CCDC88A: variants seen among roughly 807,000 people sequenced by gnomAD.
CCDC88A encodes the protein coiled-coil and HOOK domain protein 88A, also known as girdin.
In CCDC88A, 54 loss-of-function variants were observed where a neutral mutation model predicts 234.3. The ratio of observed to expected loss-of-function variants is 0.23; its 90% CI spans 0.19 to 0.29. CCDC88A has a LOEUF of 0.29. CCDC88A is among the 10% of genes least tolerant of loss of function. The pLI is 1.00. For synonymous variants in CCDC88A, 753 were observed against 737.8 expected (o/e 1.02, Z -0.33); for missense variants, 1,832 against 2,123.4 (o/e 0.86, Z 2.70).
At position 55,398,772 on chromosome 2, in the gene CCDC88A, G is replaced by A. The variant is rs144476572; in HGVS notation, c.165-9886C>T. 3.1e-3 allele frequency among the ~76,000 whole-genome samples: 467 copies of A among 152,106 alleles called. 4 individuals carry two copies. The highest frequency in any genetic ancestry group is 0.01 in the African/African-American group (430 of 41,506). ...CACAAAAAAATTTAAAAATGAGGCA[G>A]GAAGATTGCTTGAGCCCAGGAGTTT... On this transcript the variant is annotated intron_variant, in intron 2 of 32. Transcript: ENST00000436346.
intron 7 of CCDC88A, among the ~76,000 whole-genome samples, chr2:55,359,093 C>T (rs975937446): frequency 2.6e-5 from 4 of 152,150 alleles, no homozygotes; most frequent in African/African-American, 9.6e-5. Context: ...TATGCTAGCT[C>T]ATATTTTGTA....
chr2:55,362,115 C>G (rs1439474997), intron 7 of CCDC88A, 193 bp downstream of exon 7: 4 of 426,586 alleles, frequency 9.4e-6, no homozygotes. Context: ...GAAGAGAAAA[C>G]CTAACTGCAA....
chr2:55,312,338 C>A, intron 23 of CCDC88A, 96 bp downstream of exon 23: 1 of 1,079,288 alleles, frequency 9.3e-7, no homozygotes, highest in Admixed American at 2.1e-5. Context: ...TGTTGAAAAT[C>A]AGTAAAAATT....
intron 2 of CCDC88A, among the ~76,000 whole-genome samples, chr2:55,412,425 A>T (rs1456129064): frequency 6.6e-6 from 1 of 152,244 alleles, no homozygotes; most frequent in East Asian, 1.9e-4. Flanking sequence ...GGAAAGCCAC[A>T]CAGCAGATCA....
chr2:55,397,532 A>T (rs6146773), intron 2 of CCDC88A, among the ~76,000 whole-genome samples: 119,744 of 150,060 alleles, frequency 0.8, 48,403 homozygotes, highest in Admixed American at 0.89. Flanking sequence ...TAATTTGGAT[A>T]ATCCAAATGC....
rs7604746 is a variant in CCDC88A, at chr2:55,366,536, C to T, written c.403-2503G>A. Among the ~76,000 whole-genome samples, 6 of 44,796 alleles carry T rather than the reference C, an allele frequency of 1.3e-4. 1 individual carries two copies. The highest frequency in any genetic ancestry group is 4.2e-4 in the African/African-American group (3 of 7,214). The allele number at this position is 44,796 out of a possible 152,430, so 29.4% of individuals were successfully genotyped here. ...AGCAAGACTCTGTCACACACACATA[C>T]ACACACACACACACACACACACACA... On this transcript the variant is annotated intron_variant, in intron 5 of 32. Transcript: ENST00000436346.
chr2:55,348,147 T>C lies in CCDC88A; in HGVS notation c.882+1371A>G, dbSNP rs151191758. Among the ~76,000 whole-genome samples the C allele has an allele frequency of 5.6e-3, 854 of 152,174 alleles. 3 individuals are homozygous for C. The highest frequency in any genetic ancestry group is 0.024 in the Middle Eastern group (7 of 294). ...TGCAGCTAATTTTTTCATTTTTTTGTAGCGATGAGGTTTTGTCACGTTGCC... is the reference window on the plus strand; with the variant it reads ...TGCAGCTAATTTTTTCATTTTTTTGCAGCGATGAGGTTTTGTCACGTTGCC... On this transcript the variant is annotated intron_variant, in intron 9 of 32. Transcript: ENST00000436346.
chr2:55,299,892 C>T lies in CCDC88A; in HGVS notation c.4772G>A (p.Gly1591Asp), dbSNP rs202144320. 1 of 1,613,498 alleles carries T rather than the reference C, an allele frequency of 6.2e-7. No individual in the cohort carries two copies. Among genetic ancestry groups the T allele is most frequent in the Admixed American group, 1.7e-5 (1 of 59,984 alleles). The change falls in exon 29 of 33, where the codon GGC becomes GAC. Residue 1591 changes from glycine (G) to aspartate (D), a missense_variant. By Grantham distance (94) the Gly-to-Asp change is moderately conservative. Transcript: ENST00000436346. Reference protein sequence around the residue: ...HASRPASLDSGRTSTSNSNNN... With the variant: ...HASRPASLDSDRTSTSNSNNN... ...ATTGCTATTGCTAGTGGATGTTCTG[C>T]CACTATCAAGGCTGGCTGGTCTTGA...
intron 3 of CCDC88A, among the ~76,000 whole-genome samples, chr2:55,383,099 T>G (rs1168763583): frequency 6.6e-6 from 1 of 150,708 alleles, no homozygotes; most frequent in African/African-American, 2.4e-5. Context: ...AAAAGAGTAC[T>G]GACATTTAAA....
chr2:55,303,926 CTT>C (rs1470534441), intron 25 of CCDC88A, among the ~76,000 whole-genome samples: 3 of 152,090 alleles, frequency 2.0e-5, no homozygotes. Flanking sequence ...ACAAAAATAA[CTT>C]AGGAAAATGC....
At chr2:55,312,805 G>A in intron 22 of CCDC88A, 1 of 308,806 alleles carries the variant, frequency 3.2e-6, no homozygotes, top group Non-Finnish European at 5.8e-6. Context: ...CAAACACTGG[G>A]TCTAATATAT....
rs1386632167 is a variant in CCDC88A at position 55,328,259 on chromosome 2, T to C, written c.2997+35A>G. The C allele has an allele frequency of 8.3e-6, 12 of 1,449,138 alleles. No homozygotes were observed. Among genetic ancestry groups the C allele is most frequent in the Non-Finnish European group, 1.0e-5 (11 of 1,068,772 alleles). 89.8% of individuals were successfully genotyped at this position (1,449,138 alleles called of 1,614,324 possible). On this transcript the variant is annotated intron_variant, in intron 17 of 32. Transcript: ENST00000436346. This position sits in a 1 kb window ranked among gnomAD's most constrained non-coding sequence, Gnocchi z 4.3. ...TCTGTCCAAATATTTATATAATAAA[T>C]GATCCTTAAAATTCTTTCCAAGAAA...
In CCDC88A at chr2:55,334,411, T is replaced by G; in HGVS notation, c.2410A>C (p.Lys804Gln). The G allele has an allele frequency of 6.3e-7, 1 of 1,581,862 alleles. No individual in the cohort carries two copies. The highest frequency in any genetic ancestry group is 8.5e-7 in the Non-Finnish European group (1 of 1,171,752). Residue 804 changes from lysine (K) to glutamine (Q), a missense_variant, in exon 15 of 33, where the codon AAA becomes CAA. Physicochemically the swap from Lys to Gln is moderately conservative, Grantham distance 53 (BLOSUM62 1). Transcript: ENST00000436346. This position sits in a 1 kb window ranked among gnomAD's most constrained non-coding sequence, Gnocchi z 6.1. ...QTLQKNLEEL[K>Q]ISSKRLEQLE... ...TGTTCTAGTCTTTTGCTAGATATTT[T>G]TAGTTCTTCTAGGTTTTTCTGCAAT... is the stretch of plus-strand genomic sequence containing the variant.
At chr2:55,345,959 C>T (rs1390544684) in intron 10 of CCDC88A, 2 of 378,322 alleles carry the variant, frequency 5.3e-6, no homozygotes, top group Non-Finnish European at 9.3e-6. Context: ...AAAAGAAGAA[C>T]CCCAGAGTTC....
chr2:55,407,560 G>T (rs902901554), intron 2 of CCDC88A, among the ~76,000 whole-genome samples: 2 of 150,418 alleles, frequency 1.3e-5, no homozygotes, highest in South Asian at 4.2e-4. Context: ...AGCCAAGATC[G>T]CATCACTGCA....
chr2:55,398,692 T>A (rs538971225), intron 2 of CCDC88A, among the ~76,000 whole-genome samples: 1 of 152,256 alleles, frequency 6.6e-6, no homozygotes, highest in South Asian at 2.1e-4. Flanking sequence ...GCAAGAGGAT[T>A]GTGTAAGCCC....
At position 55,388,809 on chromosome 2, in the gene CCDC88A, A is replaced by G; in HGVS notation, c.242T>C (p.Ile81Thr). 1 of 1,525,340 alleles carries G rather than the reference A, an allele frequency of 6.6e-7. No homozygotes were observed. The highest frequency in any genetic ancestry group is 1.9e-5 in the Admixed American group (1 of 52,830). The allele number at this position is 1,525,340 out of a possible 1,614,324, so 94.5% of individuals were successfully genotyped here. A position where few individuals can be genotyped will look rare whatever the true frequency, so the allele number is the denominator to read the frequency against. ...DASLRMHNLS[I>T]LVRQIKFYYQ... ...ATAAAATTTTATCTGTCTCACCAAA[A>G]TGGATAGATTGTGCATTCTAAGTGA... is the stretch of plus-strand genomic sequence containing the variant. Residue 81 changes from isoleucine to threonine, a missense_variant, in exon 3 of 33, where the codon ATT becomes ACT. Ile to Thr is a moderately conservative substitution (Grantham distance 89, BLOSUM62 -1). This residue lies in a region of CCDC88A where 84 missense variants were observed against 80.9 expected (regional missense o/e 1.04). Coordinates refer to ENST00000436346, the MANE Select transcript of CCDC88A (RefSeq NM_001365480.1).
chr2:55,366,791 A>G (rs1254183593), intron 5 of CCDC88A, among the ~76,000 whole-genome samples: 1 of 152,152 alleles, frequency 6.6e-6, no homozygotes, highest in East Asian at 1.9e-4. Flanking sequence ...AAGCTATACT[A>G]AAATAGAGGA....
At chr2:55,341,974 T>G (rs1020868998) in intron 12 of CCDC88A, among the ~76,000 whole-genome samples, 9 of 152,148 alleles carry the variant, frequency 5.9e-5, no homozygotes, top group African/African-American at 2.2e-4. Flanking sequence ...TATTTCTAAT[T>G]TTTTGAGGAA....
Sources: allele counts gnomAD v4.1 joint callset (sites outside exome capture counted in the v4.1 genomes callset), GRCh38; gene constraint gnomAD v4.1.1; regional missense constraint gnomAD v4.1.1; non-coding constraint Gnocchi (gnomAD v3.1); transcripts MANE v1.5; gene names NCBI Gene and HGNC (gene_info 2026-07-23, HGNC 2026-07-21).